LZTFL1: variants seen among roughly 807,000 people sequenced by gnomAD.
The protein encoded by LZTFL1 is leucine zipper transcription factor-like protein 1.
A neutral mutation model predicts 45.9 loss-of-function variants in LZTFL1; 25 were observed. That is an observed-to-expected ratio of 0.54 (90% CI 0.40 to 0.76). The LOEUF is 0.76. LZTFL1 is among the 30% of genes least tolerant of loss of function. LZTFL1 has a pLI of 0.00. For missense variants in LZTFL1, 277 were observed against 331.1 expected (o/e 0.84, Z 1.27); for synonymous variants, 93 against 117.4 (o/e 0.79, Z 1.35).
At chr3:45,895,879 A>G (rs771030142) in intron 2 of LZTFL1, among the ~76,000 whole-genome samples, 1 of 152,180 alleles carries the variant, frequency 6.6e-6, no homozygotes, top group East Asian at 1.9e-4. Context: ...GCTCTTCTCC[A>G]AGGGAAAGCC....
intron 2 of LZTFL1, among the ~76,000 whole-genome samples, chr3:45,860,742 T>G (rs971024698): frequency 6.6e-6 from 1 of 152,028 alleles, no homozygotes; most frequent in African/African-American, 2.4e-5. Context: ...AGCTTTGGAG[T>G]GTAGGAAGAG....
At position 45,900,765 on chromosome 3, in the gene LZTFL1, CA is replaced by C; in HGVS notation, c.-215+12354del. The C allele has an allele frequency of 6.4e-7, 1 of 1,565,264 alleles. No individual in the cohort carries two copies. ...TGCCTCTGCCATCAGACAGGACCTTCAAAATATTTTCCTTGACCTAATGCCA... is the reference window on the plus strand; with the variant it reads ...TGCCTCTGCCATCAGACAGGACCTTCAAATATTTTCCTTGACCTAATGCCA... On this transcript the variant is annotated intron_variant, in intron 2 of 4. Coordinates refer to the LZTFL1 transcript ENST00000472635. The surrounding 1 kb of genome is among the most constrained non-coding windows in gnomAD (Gnocchi z 4.7).
At chr3:45,833,940 C>G (rs560362872) in intron 4 of LZTFL1, among the ~76,000 whole-genome samples, 1 of 152,326 alleles carries the variant, frequency 6.6e-6, no homozygotes, top group African/African-American at 2.4e-5. Context: ...CCAGGTGTGG[C>G]TGACCCTACA....
chr3:45,843,646 C>T (rs1249238290), upstream of LZTFL1, among the ~76,000 whole-genome samples: 1 of 152,196 alleles, frequency 6.6e-6, no homozygotes, highest in East Asian at 1.9e-4. Context: ...ACTCCATCAG[C>T]TAGTTATTGT....
intron 2 of LZTFL1, among the ~76,000 whole-genome samples, chr3:45,875,876 T>C (rs1701742989): frequency 6.6e-6 from 1 of 152,194 alleles, no homozygotes; most frequent in Non-Finnish European, 1.5e-5. Context: ...ATTTTTAAAT[T>C]TGTGGAACCA....
At chr3:45,878,037 C>T (rs542835254) in intron 2 of LZTFL1, among the ~76,000 whole-genome samples, 2 of 152,148 alleles carry the variant, frequency 1.3e-5, no homozygotes, top group Non-Finnish European at 2.9e-5. Flanking sequence ...TGAGCCACCG[C>T]GCCCAGCCCA....
At chr3:45,902,340 A>G (rs200420405) in intron 2 of LZTFL1, 4 of 172,566 alleles carry the variant, frequency 2.3e-5, no homozygotes. Context: ...GAAAATGTCC[A>G]TCTTTGGGAA....
At chr3:45,881,420 G>A (rs1019719123) in intron 2 of LZTFL1, among the ~76,000 whole-genome samples, 4 of 151,946 alleles carry the variant, frequency 2.6e-5, no homozygotes, top group African/African-American at 9.7e-5. Flanking sequence ...TCATCATTTG[G>A]CAGCTCCTGA....
intron 2 of LZTFL1, among the ~76,000 whole-genome samples, chr3:45,874,890 G>A (rs1055732883): frequency 3.3e-5 from 5 of 152,172 alleles, no homozygotes; most frequent in African/African-American, 1.2e-4. Flanking sequence ...GTGGATGGGA[G>A]GCACGTGGAC....
chr3:45,850,328 G>A (rs762008689), intron 4 of LZTFL1, among the ~76,000 whole-genome samples: 8 of 152,144 alleles, frequency 5.3e-5, no homozygotes, highest in Non-Finnish European at 1.0e-4. Flanking sequence ...GTAGTGAGTC[G>A]ATGGAAGGAC....
At chr3:45,896,370 A>T (rs1259906441) in intron 2 of LZTFL1, among the ~76,000 whole-genome samples, 1 of 152,238 alleles carries the variant, frequency 6.6e-6, no homozygotes, top group African/African-American at 2.4e-5. Flanking sequence ...GGCGCCATCT[A>T]AATGGGAAGA....
rs151135367 is a variant in LZTFL1 at position 45,834,354 on chromosome 3, C to T, written c.324-56G>A. 1.2e-4 allele frequency: 138 copies of T among 1,183,476 alleles called. 1 individual carries two copies. Among genetic ancestry groups the T allele is most frequent in the South Asian group, 8.0e-4 (61 of 76,260 alleles). 73.3% of individuals were successfully genotyped at this position (1,183,476 alleles called of 1,614,324 possible). On this transcript the variant is annotated intron_variant, in intron 3 of 9. Coordinates refer to ENST00000296135, the MANE Select transcript of LZTFL1 (RefSeq NM_020347.4). ...TCATTTAAAATAGATTTATATCACA[C>T]GCAAGAAGAGTAAAATCACTGGTAC...
chr3:45,863,819 A>G (rs1180263414), intron 2 of LZTFL1, among the ~76,000 whole-genome samples: 5 of 152,222 alleles, frequency 3.3e-5, no homozygotes, highest in African/African-American at 1.2e-4. Context: ...AGGACATAAA[A>G]GCCAGGTGCA....
chr3:45,828,097 TA>T lies in LZTFL1; in HGVS notation c.777+341del, dbSNP rs969840880. ...ATTATGACAAAAGTATAGAAGTCCTTAAAAAAAACAGTCCCTCATCCCTCTG... is the reference window on the plus strand; with the variant it reads ...ATTATGACAAAAGTATAGAAGTCCTTAAAAAAACAGTCCCTCATCCCTCTG... On this transcript the variant is annotated intron_variant, in intron 8 of 9. Coordinates refer to ENST00000296135, the MANE Select transcript of LZTFL1 (RefSeq NM_020347.4). Among the ~76,000 whole-genome samples, 4 of 151,770 alleles carry T rather than the reference TA, an allele frequency of 2.6e-5. No homozygotes were observed. The East Asian group carries it at 5.8e-4, about 22-fold the overall frequency.
chr3:45,827,521 G>T, intron 8 of LZTFL1, 62 bp from the exon 9 acceptor site: 1 of 1,007,118 alleles, frequency 9.9e-7, no homozygotes, highest in Admixed American at 2.0e-5. Flanking sequence ...GATAACAAAT[G>T]CGATAAAAAT....
At chr3:45,841,949 C>T (rs1160839025) in intron 1 of LZTFL1, 40 bp downstream of exon 1, 4 of 1,608,160 alleles carry the variant, frequency 2.5e-6, no homozygotes, top group Non-Finnish European at 3.4e-6. Context: ...GCCGCGCTCT[C>T]TCCTGTGCGC....
chr3:45,834,046 C>A (rs1316231467), intron 4 of LZTFL1, among the ~76,000 whole-genome samples, 192 bp downstream of exon 4: 1 of 152,176 alleles, frequency 6.6e-6, no homozygotes, highest in East Asian at 1.9e-4. Flanking sequence ...CAGACAAAAG[C>A]AGTTTTTCAC....
chr3:45,851,672 C>T (rs896804396), intron 4 of LZTFL1, among the ~76,000 whole-genome samples: 5 of 152,150 alleles, frequency 3.3e-5, no homozygotes, highest in Admixed American at 1.3e-4. Flanking sequence ...TTTTAATATA[C>T]TGATGGATTC....
At chr3:45,860,725 C>T (rs528538047) in intron 2 of LZTFL1, among the ~76,000 whole-genome samples, 3 of 152,258 alleles carry the variant, frequency 2.0e-5, no homozygotes, top group South Asian at 4.2e-4. Flanking sequence ...GGACAGGCTC[C>T]GGGTGGAGCT....
Sources: gnomAD v4.1 joint callset for allele counts (sites outside exome capture counted in the v4.1 genomes callset) on GRCh38, gnomAD v4.1.1 for gene constraint, Gnocchi (gnomAD v3.1) non-coding constraint, MANE v1.5 for transcripts, NCBI Gene and HGNC (gene_info 2026-07-23, HGNC 2026-07-21) for gene names.